NAALADL2: variants seen among roughly 807,000 people sequenced by gnomAD.
NAALADL2 encodes the protein N-acetylated alpha-linked acidic dipeptidase like 2.
Under a neutral mutation model 87.2 loss-of-function variants are expected in NAALADL2, and 76 were observed. The observed-to-expected ratio is 0.87, with a 90% CI of 0.72 to 1.05. The LOEUF is 1.05. Among genes scored for constraint, NAALADL2 ranks in the 50% least tolerant of loss-of-function variants. The pLI, the probability that NAALADL2 is intolerant of heterozygous loss-of-function variation, is 0.00. For missense variants in NAALADL2, 1,089 were observed against 945.8 expected, an observed-to-expected ratio of 1.15 and a Z score of -1.99; for synonymous variants, 354 against 331.0, an observed-to-expected ratio of 1.07 and a Z score of -0.75.
At chr3:175,113,673 C>A (rs1724584233) in intron 2 of NAALADL2, among the ~76,000 whole-genome samples, 1 of 151,460 alleles carries the variant, frequency 6.6e-6, no homozygotes, top group Non-Finnish European at 1.5e-5. Context: ...CCATTTCCAA[C>A]AAGTGATGAA....
intron 2 of NAALADL2, among the ~76,000 whole-genome samples, chr3:175,125,495 G>A (rs1037289224): frequency 6.6e-6 from 1 of 152,024 alleles, no homozygotes; most frequent in African/African-American, 2.4e-5. Flanking sequence ...TAGGGGTGGT[G>A]CAAAGATATT....
intron 11 of NAALADL2, among the ~76,000 whole-genome samples, chr3:175,652,946 C>G (rs183892161): frequency 6.6e-6 from 1 of 152,010 alleles, no homozygotes; most frequent in East Asian, 1.9e-4. Flanking sequence ...TAACTGGAAG[C>G]CTTACTGATA....
chr3:174,525,239 G>A (rs1246087691), intron 1 of NAALADL2, among the ~76,000 whole-genome samples: 3 of 152,206 alleles, frequency 2.0e-5, no homozygotes, highest in African/African-American at 7.2e-5. Context: ...CTTTATGACT[G>A]TGCTAGTCCA....
chr3:175,147,713 C>T (rs185379114), intron 2 of NAALADL2, among the ~76,000 whole-genome samples: 2 of 152,240 alleles, frequency 1.3e-5, no homozygotes, highest in African/African-American at 2.4e-5. Context: ...CCACCAACAG[C>T]GTGTAAACAT....
chr3:175,253,090 A>G (rs1749336260), intron 3 of NAALADL2, among the ~76,000 whole-genome samples: 1 of 152,214 alleles, frequency 6.6e-6, no homozygotes, highest in South Asian at 2.1e-4. Context: ...ACTAAACAAG[A>G]GATTTTCCGT....
intron 1 of NAALADL2, among the ~76,000 whole-genome samples, chr3:174,492,805 A>AG (rs1718287687): frequency 6.6e-6 from 1 of 152,254 alleles, no homozygotes; most frequent in African/African-American, 2.4e-5. Flanking sequence ...ATGAAATTGC[A>AG]GAGGGAGTCA....
At chr3:175,253,115 C>G (rs1011720789) in intron 3 of NAALADL2, among the ~76,000 whole-genome samples, 6 of 152,076 alleles carry the variant, frequency 3.9e-5, no homozygotes, top group African/African-American at 1.4e-4. Context: ...ACAAAACAGC[C>G]TTAGGTTGGA....
At chr3:175,137,924 G>A (rs1417083936) in intron 2 of NAALADL2, among the ~76,000 whole-genome samples, 6 of 151,902 alleles carry the variant, frequency 3.9e-5, no homozygotes, top group South Asian at 2.1e-4. Flanking sequence ...ACACCAGTCC[G>A]AGATTGACCC....
intron 2 of NAALADL2, among the ~76,000 whole-genome samples, chr3:174,649,255 G>C (rs1724117021): frequency 6.6e-6 from 1 of 152,106 alleles, no homozygotes; most frequent in Admixed American, 6.5e-5. Context: ...GAGCCACCAA[G>C]CCCAGCTGAA....
At chr3:175,069,950 A>G (rs1375638447) in intron 1 of NAALADL2, among the ~76,000 whole-genome samples, 4 of 145,980 alleles carry the variant, frequency 2.7e-5, no homozygotes, top group African/African-American at 7.5e-5. Flanking sequence ...CTCATAGGTG[A>G]GAATTGAACA....
At chr3:175,401,794 T>C (rs1770592739) in intron 5 of NAALADL2, among the ~76,000 whole-genome samples, 1 of 152,136 alleles carries the variant, frequency 6.6e-6, no homozygotes, top group African/African-American at 2.4e-5. Flanking sequence ...TACCTATTTT[T>C]CAGTCTGAGA....
At chr3:175,026,848 G>T (rs966338134) in intron 1 of NAALADL2, among the ~76,000 whole-genome samples, 2 of 152,116 alleles carry the variant, frequency 1.3e-5, no homozygotes, top group Non-Finnish European at 2.9e-5. Context: ...GTGTACTGGG[G>T]AGCACATCTA....
intron 5 of NAALADL2, among the ~76,000 whole-genome samples, chr3:175,436,176 G>A (rs1423407545): frequency 7.0e-6 from 1 of 143,004 alleles, no homozygotes; most frequent in African/African-American, 2.6e-5. Context: ...CAAAGGACAT[G>A]AACTCATCAT....
chr3:175,351,254 G>A (rs1398084122), intron 5 of NAALADL2, among the ~76,000 whole-genome samples: 21 of 151,864 alleles, frequency 1.4e-4, no homozygotes, highest in Non-Finnish European at 1.8e-4. Context: ...AAAAATAGCT[G>A]TGCATTTCTC....
chr3:174,489,185 C>T (rs1206157504), intron 1 of NAALADL2, among the ~76,000 whole-genome samples: 1 of 151,932 alleles, frequency 6.6e-6, no homozygotes, highest in Non-Finnish European at 1.5e-5. Flanking sequence ...TTATTAAACT[C>T]AGATTTATGG....
chr3:175,402,190 A>G (rs1015840095), intron 5 of NAALADL2, among the ~76,000 whole-genome samples: 4 of 152,140 alleles, frequency 2.6e-5, no homozygotes, highest in African/African-American at 9.7e-5. Context: ...GTTTGAAAAC[A>G]TAAAACAAAT....
intron 3 of NAALADL2, among the ~76,000 whole-genome samples, chr3:174,788,295 TAG>T (rs57184837): frequency 0.11 from 16,529 of 152,118 alleles, 1,048 homozygotes; most frequent in African/African-American, 0.18. Context: ...CATTATTGGG[TAG>T]TACTGATATG....
At chr3:175,234,336 C>G in intron 3 of NAALADL2, 132 bp downstream of exon 3, 2 of 977,556 alleles carry the variant, frequency 2.0e-6, no homozygotes, top group Non-Finnish European at 3.0e-6. Flanking sequence ...TGTGGAAGTG[C>G]CAGGAAAGAG....
chr3:175,017,180 C>T (rs548224609), intron 1 of NAALADL2, among the ~76,000 whole-genome samples: 5 of 151,082 alleles, frequency 3.3e-5, no homozygotes, highest in African/African-American at 9.7e-5. Context: ...TTTTTTTTTC[C>T]CTCACATTGC....
Sources: allele counts gnomAD v4.1 joint callset (sites outside exome capture counted in the v4.1 genomes callset), GRCh38; gene constraint gnomAD v4.1.1; transcripts MANE v1.5; gene names NCBI Gene and HGNC (gene_info 2026-07-23, HGNC 2026-07-21).